GALNT17: variants seen among roughly 807,000 people sequenced by gnomAD.
The protein encoded by GALNT17 is UDP-GalNAc:polypeptide N-acetylgalactosaminyltransferase-like 3.
In GALNT17, 29 loss-of-function variants were observed where a neutral mutation model predicts 63.7. The observed-to-expected ratio is 0.46, with a 90% CI of 0.34 to 0.62. The LOEUF is 0.62. Among genes scored for constraint, GALNT17 ranks in the 20% least tolerant of loss-of-function variants. The pLI is 0.01. For missense variants in GALNT17, 603 were observed against 799.6 expected (o/e 0.75, Z 2.97); for synonymous variants, 305 against 318.3 (o/e 0.96, Z 0.45).
intron 9 of GALNT17, among the ~76,000 whole-genome samples, chr7:71,699,769 A>G (rs1321603869): frequency 2.7e-5 from 4 of 146,784 alleles, no homozygotes; most frequent in African/African-American, 7.7e-5. Flanking sequence ...CCCTGTCTCT[A>G]TGATTTTTTT....
chr7:71,636,917 A>G (rs1353617005), intron 6 of GALNT17, among the ~76,000 whole-genome samples: 1 of 152,150 alleles, frequency 6.6e-6, no homozygotes, highest in Admixed American at 6.6e-5. Flanking sequence ...AAAAGAAGAG[A>G]AATGCATAGC....
At chr7:71,498,841 T>C (rs552834362) in intron 5 of GALNT17, among the ~76,000 whole-genome samples, 3 of 152,216 alleles carry the variant, frequency 2.0e-5, no homozygotes, top group Non-Finnish European at 4.4e-5. Flanking sequence ...AGGGTTGAAA[T>C]AGATGACATT....
intron 1 of GALNT17, among the ~76,000 whole-genome samples, chr7:71,263,248 A>G (rs891577209): frequency 6.6e-6 from 1 of 151,884 alleles, no homozygotes; most frequent in African/African-American, 2.4e-5. Context: ...AGTCCCAGCT[A>G]CTTGGGAGGC....
intron 1 of GALNT17, among the ~76,000 whole-genome samples, chr7:71,187,097 A>C (rs2116328442): frequency 6.6e-6 from 1 of 152,186 alleles, no homozygotes; most frequent in South Asian, 2.1e-4. Flanking sequence ...AGACGACTAC[A>C]ACTTTTAGTA....
chr7:71,493,992 T>C (rs1788052970), intron 5 of GALNT17, among the ~76,000 whole-genome samples: 1 of 151,900 alleles, frequency 6.6e-6, no homozygotes, highest in South Asian at 2.1e-4. Flanking sequence ...AGAGGCAGGG[T>C]GTATTAGTCC....
intron 4 of GALNT17, among the ~76,000 whole-genome samples, chr7:71,418,215 A>C (rs1412166415): frequency 1.3e-5 from 2 of 151,998 alleles, no homozygotes; most frequent in African/African-American, 4.8e-5. Flanking sequence ...AATCAAATCC[A>C]CCTATCATCT....
chr7:71,273,074 T>G (rs1459614680), intron 1 of GALNT17, among the ~76,000 whole-genome samples: 1 of 145,180 alleles, frequency 6.9e-6, no homozygotes, highest in Non-Finnish European at 1.5e-5. Context: ...ACAAGACTGT[T>G]TTTCATCCAT....
At chr7:71,177,932 C>G (rs1477957291) in intron 1 of GALNT17, among the ~76,000 whole-genome samples, 1 of 151,958 alleles carries the variant, frequency 6.6e-6, no homozygotes, top group Non-Finnish European at 1.5e-5. Context: ...ATTTAGGTAA[C>G]CTTCTAAATG....
At chr7:71,641,756 T>C (rs1185082611) in intron 6 of GALNT17, among the ~76,000 whole-genome samples, 2 of 151,792 alleles carry the variant, frequency 1.3e-5, no homozygotes, top group Non-Finnish European at 2.9e-5. Flanking sequence ...AGGAATGAAA[T>C]AAAATAATGC....
intron 5 of GALNT17, among the ~76,000 whole-genome samples, chr7:71,515,423 A>G (rs1318976661): frequency 6.6e-6 from 1 of 152,182 alleles, no homozygotes; most frequent in Non-Finnish European, 1.5e-5. Context: ...TTATGTAACA[A>G]GCTACATCAC....
At chr7:71,600,129 G>T (rs1584081043) in intron 6 of GALNT17, among the ~76,000 whole-genome samples, 1 of 151,928 alleles carries the variant, frequency 6.6e-6, no homozygotes, top group African/African-American at 2.4e-5. Flanking sequence ...GTTTTGGGGG[G>T]CCCAAAATCT....
At chr7:71,199,151 A>G (rs1318485894) in intron 1 of GALNT17, among the ~76,000 whole-genome samples, 1 of 152,148 alleles carries the variant, frequency 6.6e-6, no homozygotes, top group Non-Finnish European at 1.5e-5. Context: ...ACTGCGCTGC[A>G]TGTCCTTTGA....
In GALNT17 at chr7:71,351,036, G is replaced by A. The variant is rs62462207; in HGVS notation, c.422+15303G>A. ...CACACCTGTAGTTCCAGCTACTCAG[G>A]AAGATGAGGCACAAGAATTGTTTGA... On this transcript the variant is annotated intron_variant, in intron 2 of 10. Transcript: ENST00000333538. 8.3e-3 allele frequency among the ~76,000 whole-genome samples: 1,269 copies of A among 152,290 alleles called. 10 individuals are homozygous for A. Among genetic ancestry groups the A allele is most frequent in the Non-Finnish European group, 0.012 (839 of 68,034 alleles).
At chr7:71,455,206 G>C (rs1165733690) in intron 5 of GALNT17, among the ~76,000 whole-genome samples, 1 of 151,872 alleles carries the variant, frequency 6.6e-6, no homozygotes, top group Non-Finnish European at 1.5e-5. Context: ...AGTTGTTCAT[G>C]TTGAAACCAT....
At chr7:71,370,698 T>A (rs934050113) in intron 2 of GALNT17, among the ~76,000 whole-genome samples, 1 of 151,970 alleles carries the variant, frequency 6.6e-6, no homozygotes, top group Non-Finnish European at 1.5e-5. Flanking sequence ...GAACTCCTGG[T>A]CTCAATTGAT....
chr7:71,275,626 C>G (rs1790669412), intron 1 of GALNT17, among the ~76,000 whole-genome samples: 1 of 152,152 alleles, frequency 6.6e-6, no homozygotes, highest in Admixed American at 6.5e-5. Context: ...TACGGCAGTT[C>G]CATGGGGGAC....
intron 1 of GALNT17, chr7:71,284,160 T>C: frequency 6.5e-6 from 1 of 153,828 alleles, no homozygotes; most frequent in Non-Finnish European, 1.4e-5. Context: ...CTTTGAGATG[T>C]AACACTCATA....
chr7:71,506,331 A>G (rs193094725), intron 5 of GALNT17, among the ~76,000 whole-genome samples: 3,168 of 151,962 alleles, frequency 0.021, 109 homozygotes, highest in African/African-American at 0.073. Flanking sequence ...CAGTGGTGCA[A>G]TCTTGGCTCA....
At chr7:71,654,013 ATT>A (rs201659092) in intron 6 of GALNT17, among the ~76,000 whole-genome samples, 2 of 151,808 alleles carry the variant, frequency 1.3e-5, no homozygotes, top group African/African-American at 4.8e-5. Flanking sequence ...ATGTTATCTT[ATT>A]TTTTTTATTT....
Sources: allele counts gnomAD v4.1 joint callset (sites outside exome capture counted in the v4.1 genomes callset), GRCh38; gene constraint gnomAD v4.1.1; transcripts MANE v1.5; gene names NCBI Gene and HGNC (gene_info 2026-07-23, HGNC 2026-07-21).